Variants in RECQL observed in about 807,000 individuals in gnomAD.
RECQL encodes ATP-dependent DNA helicase Q1.
RECQL carries 73 observed loss-of-function variants against 75.8 expected under a neutral mutation model. The ratio of observed to expected loss-of-function variants is 0.96; its 90% CI spans 0.80 to 1.17. The LOEUF (loss-of-function observed/expected upper bound fraction) is 1.17. Among genes scored for constraint, RECQL ranks in the 50% most tolerant of loss-of-function variants. The probability of loss-of-function intolerance (pLI) is 0.00; values close to 1 mark genes in which losing one functional copy is unlikely to be tolerated. For missense variants in RECQL, 699 were observed against 772.1 expected (o/e 0.91, Z 1.12); for synonymous variants, 248 against 254.4 (o/e 0.97, Z 0.24).
In RECQL at chr12:21,475,788, T is replaced by C; in HGVS notation, c.986A>G (p.Gln329Arg). Residue 329 changes from glutamine (Q) to arginine (R), a missense_variant, in exon 9 of 15, where the codon CAA becomes CGA. By Grantham distance (43) the Gln-to-Arg change is conservative (BLOSUM62 1). This residue lies in a region of RECQL where 669 missense variants were observed against 713.5 expected (regional missense o/e 0.94). Transcript: ENST00000444129. ...IYCFSQKDSE[Q>R]VTVSLQNLGI... ...CAGATTCTGCAAACTAACCGTAACT[T>C]GTTCAGAGTCTTTCTGAGAAAAACA... 1 of 1,613,122 alleles carries C rather than the reference T, an allele frequency of 6.2e-7. No homozygotes were observed. The highest frequency in any genetic ancestry group is 8.5e-7 in the Non-Finnish European group (1 of 1,179,314).
In RECQL at chr12:21,471,486, G is replaced by A; in HGVS notation, c.1609C>T (p.Leu537Phe). 1 of 1,613,206 alleles carries A rather than the reference G, an allele frequency of 6.2e-7. No homozygotes were observed. The highest frequency in any genetic ancestry group is 8.5e-7 in the Non-Finnish European group (1 of 1,179,434). ...ATCTTCTCCAGATCTTCACGAGGAA[G>A]TGTGGGAGCCACAACACCTGCTACT... ...LRVAGVVAPT[L>F]PREDLEKIIA... Residue 537 changes from leucine to phenylalanine, a missense_variant, in exon 13 of 15, where the codon CTT becomes TTT. By Grantham distance (22) the Leu-to-Phe change is conservative. Around this residue, in one of 2 missense-constraint regions of RECQL, gnomAD observed 669 missense variants for 713.5 expected, o/e 0.94. Coordinates refer to ENST00000444129, the MANE Select transcript of RECQL (RefSeq NM_002907.4).
chr12:21,472,095 A>G (rs1387644421), intron 12 of RECQL, among the ~76,000 whole-genome samples: 5 of 152,054 alleles, frequency 3.3e-5, no homozygotes, highest in Non-Finnish European at 5.9e-5. Flanking sequence ...CACTCTTGTT[A>G]TTTTATAAGA....
At chr12:21,481,568 G>A (rs1943192634) in intron 6 of RECQL, among the ~76,000 whole-genome samples, 1 of 152,090 alleles carries the variant, frequency 6.6e-6, no homozygotes. Flanking sequence ...GTTAAGAAAA[G>A]AGGGGCCCTT....
At chr12:21,495,511 G>T (rs372355406) in intron 2 of RECQL, among the ~76,000 whole-genome samples, 4 of 152,062 alleles carry the variant, frequency 2.6e-5, no homozygotes, top group African/African-American at 7.2e-5. Context: ...CAGGAGAATG[G>T]TGTGAACCCG....
intron 6 of RECQL, among the ~76,000 whole-genome samples, chr12:21,478,732 C>T (rs993676219): frequency 3.2e-4 from 49 of 152,190 alleles, no homozygotes; most frequent in African/African-American, 1.1e-3. Context: ...AATCTCTTTC[C>T]TGTTCCAAGT....
chr12:21,495,236 ATGTATGTAAT>A (rs1185655830), intron 2 of RECQL, among the ~76,000 whole-genome samples: 2 of 152,198 alleles, frequency 1.3e-5, no homozygotes, highest in African/African-American at 4.8e-5. Flanking sequence ...ACAGCTAAAA[ATGTATGTAAT>A]GAATCTTCCT....
In RECQL at chr12:21,475,963, CAT is replaced by C. The variant is rs61592556; in HGVS notation, c.950-141_950-140del. 505 of 650,488 alleles carry C rather than the reference CAT, an allele frequency of 7.8e-4. 3 individuals are homozygous for C. In the East Asian group the frequency reaches 0.013, roughly 17 times the overall value. The allele number at this position is 650,488 out of a possible 1,614,324, so 40.3% of individuals were successfully genotyped here. A position where few individuals can be genotyped will look rare whatever the true frequency, so the allele number is the denominator to read the frequency against. On this transcript the variant is annotated intron_variant, in intron 8 of 14. Transcript: ENST00000444129. ...TTATGAAAAATTTCAAGGCCTTGTG[CAT>C]ATATTGACATTTTGGTATAATTCCA...
rs1241682578 is a variant in RECQL, at chr12:21,490,383, G to A, written c.215-5C>T. Reference sequence around the variant, plus strand: ...CTTTACCAGACCATGGAAAATCTAGGAAAAGAAAGTTAAGAATCAGACAAA... The same window carrying A: ...CTTTACCAGACCATGGAAAATCTAGAAAAAGAAAGTTAAGAATCAGACAAA... On this transcript the variant is annotated splice_region_variant and splice_polypyrimidine_tract_variant and intron_variant, in intron 3 of 14. Coordinates refer to ENST00000444129, the MANE Select transcript of RECQL (RefSeq NM_002907.4). 3 of 1,591,832 alleles carry A rather than the reference G, an allele frequency of 1.9e-6. No individual in the cohort carries two copies. The highest frequency in any genetic ancestry group is 1.7e-4 in the Middle Eastern group (1 of 6,004).
chr12:21,470,206 G>A lies in RECQL; in HGVS notation c.1938C>T (p.Ile646=), dbSNP rs763894040. 16 of 1,611,268 alleles carry A rather than the reference G, an allele frequency of 9.9e-6. No individual in the cohort carries two copies. The highest frequency in any genetic ancestry group is 4.5e-5 in the East Asian group (2 of 44,792). ...AGTAACATTCATATCAGGCATCATC[G>A]ATTTTTCTTTTCTTAGCTCCTGTAT... The part of the protein sequence containing the change: ...SKNTGAKKRK[I]DDA Residue 646 remains isoleucine, a synonymous_variant, in exon 15 of 15, where the codon ATC becomes ATT. Transcript: ENST00000444129.
intron 9 of RECQL, 26 bp downstream of exon 9, chr12:21,475,650 G>A (rs1004996720): frequency 6.2e-7 from 1 of 1,610,684 alleles, no homozygotes; most frequent in South Asian, 1.1e-5. Context: ...GGTAAATTAG[G>A]CTTCTATGGA....
Position 21,470,283 on chromosome 12 carries a change from C to T in RECQL, c.1861G>A (p.Gly621Ser). The T allele has an allele frequency of 6.2e-7, 1 of 1,602,606 alleles. No homozygotes were observed. The highest frequency in any genetic ancestry group is 8.5e-7 in the Non-Finnish European group (1 of 1,176,580). ...GDKKMEEKNSGNFQKKAANML... is the reference protein window; with the variant it reads ...GDKKMEEKNSSNFQKKAANML... ...TTTGCAGCCTTCTTCTGGAAGTTGC[C>T]TGAATTTTTTTCCTCCATCTTTTTA... is the stretch of plus-strand genomic sequence containing the variant. The change falls in exon 15 of 15, where the codon GGC becomes AGC. Residue 621 changes from glycine (G) to serine (S), a missense_variant. Physicochemically the swap from Gly to Ser is moderately conservative, Grantham distance 56. Transcript: ENST00000444129.
intron 4 of RECQL, among the ~76,000 whole-genome samples, chr12:21,489,935 G>A (rs932774578): frequency 1.3e-5 from 2 of 152,098 alleles, no homozygotes; most frequent in Non-Finnish European, 2.9e-5. Flanking sequence ...CTACTTGGAC[G>A]ATGGATCATT....
intron 6 of RECQL, 45 bp downstream of exon 6, chr12:21,483,331 C>T: frequency 7.8e-7 from 1 of 1,281,804 alleles, no homozygotes; most frequent in Non-Finnish European, 1.1e-6. Flanking sequence ...TGAGTAAGGA[C>T]ACGGTCTATG....
In RECQL at chr12:21,499,969, C is replaced by T. The variant is rs949316834; in HGVS notation, c.-45-354G>A. ...AAAAAACAGCAAACATTCAACAGGT[C>T]TAGCACCAATTGCTATGTGACTAAA... On this transcript the variant is annotated intron_variant, in intron 1 of 14. Coordinates refer to ENST00000444129, the MANE Select transcript of RECQL (RefSeq NM_002907.4). Among the ~76,000 whole-genome samples, 27 of 152,172 alleles carry T rather than the reference C, an allele frequency of 1.8e-4. 1 individual carries two copies.
At chr12:21,499,913 C>T (rs1288958539) in intron 1 of RECQL, among the ~76,000 whole-genome samples, 2 of 152,152 alleles carry the variant, frequency 1.3e-5, no homozygotes, top group Non-Finnish European at 2.9e-5. Flanking sequence ...TGACACTCAG[C>T]AAACATCCAC....
rs1197117725 is a variant in RECQL at position 21,473,636 on chromosome 12, A to G, written c.1362T>C (p.Arg454=). The part of the protein sequence containing the change: ...VSYCQNISKC[R]RVLMAQHFDE... ...CAAAATGTTGAGCCATCAACACACG[A>G]CGACATCTGCAAACACATTTAAAGA... The change falls in exon 12 of 15, where the codon CGT becomes CGC. Residue 454 remains arginine, a synonymous_variant. Transcript: ENST00000444129. 7 of 1,612,170 alleles carry G rather than the reference A, an allele frequency of 4.3e-6. No individual in the cohort carries two copies. Among genetic ancestry groups the G allele is most frequent in the Non-Finnish European group, 5.9e-6 (7 of 1,178,814 alleles).
intron 2 of RECQL, among the ~76,000 whole-genome samples, chr12:21,494,543 T>C (rs1473004151): frequency 6.6e-6 from 1 of 152,090 alleles, no homozygotes; most frequent in Non-Finnish European, 1.5e-5. Context: ...CAAAGATGAA[T>C]GTCAGAAAAT....
chr12:21,491,494 C>CAAAAAAAA, intron 3 of RECQL, 25 bp downstream of exon 3: 1 of 1,322,966 alleles, frequency 7.6e-7, no homozygotes, highest in Non-Finnish European at 9.8e-7. Flanking sequence ...ATAAAACTAG[C>CAAAAAAAA]AAAAAAAAAA....
At chr12:21,480,361 GC>G (rs1943169669) in intron 6 of RECQL, among the ~76,000 whole-genome samples, 1 of 152,194 alleles carries the variant, frequency 6.6e-6, no homozygotes, top group Non-Finnish European at 1.5e-5. Context: ...TTAGGAAGCT[GC>G]TGCAGTAGAC....
Sources: allele counts gnomAD v4.1 joint callset (sites outside exome capture counted in the v4.1 genomes callset), GRCh38; gene constraint gnomAD v4.1.1; regional missense constraint gnomAD v4.1.1; transcripts MANE v1.5; gene names NCBI Gene and HGNC (gene_info 2026-07-23, HGNC 2026-07-21).